Variants in SEMA5A observed in about 807,000 individuals in gnomAD.
SEMA5A encodes the protein semaphorin 5A.
SEMA5A carries 55 observed loss-of-function variants against 135.5 expected under a neutral mutation model. The observed-to-expected ratio is 0.41, with a 90% confidence interval of 0.33 to 0.51. The LOEUF is 0.51. SEMA5A is among the 20% of genes least tolerant of loss of function. The pLI, the probability that SEMA5A is intolerant of heterozygous loss-of-function variation, is 0.37. For missense variants in SEMA5A, 1,290 were observed against 1,419.9 expected, an observed-to-expected ratio of 0.91 and a Z score of 1.47; for synonymous variants, 580 against 546.5, an observed-to-expected ratio of 1.06 and a Z score of -0.85.
chr5:9,496,917 C>T (rs1224398096), intron 1 of SEMA5A, among the ~76,000 whole-genome samples: 2 of 152,258 alleles, frequency 1.3e-5, no homozygotes, highest in African/African-American at 2.4e-5. Flanking sequence ...GACAAAGCTC[C>T]GAGTGGAGCA....
At chr5:9,440,360 A>C (rs1333515757) in intron 1 of SEMA5A, among the ~76,000 whole-genome samples, 1 of 152,256 alleles carries the variant, frequency 6.6e-6, no homozygotes, top group Non-Finnish European at 1.5e-5. Flanking sequence ...TTTTTAAGCG[A>C]CAGTTAACTA....
intron 2 of SEMA5A, among the ~76,000 whole-genome samples, chr5:9,381,483 T>C (rs1377190019): frequency 6.6e-6 from 1 of 152,154 alleles, no homozygotes; most frequent in African/African-American, 2.4e-5. Context: ...ACAGAAGTCA[T>C]GTTGTGCTAG....
intron 3 of SEMA5A, among the ~76,000 whole-genome samples, chr5:9,375,395 C>A (rs1344251101): frequency 1.3e-5 from 2 of 151,860 alleles, no homozygotes; most frequent in Non-Finnish European, 2.9e-5. Flanking sequence ...AGGGAGGATA[C>A]CATGAGACTA....
In SEMA5A at chr5:9,255,594, T is replaced by A. The variant is rs150961808; in HGVS notation, c.271-17704A>T. On this transcript the variant is annotated intron_variant, in intron 5 of 22. Coordinates refer to ENST00000382496, the MANE Select transcript of SEMA5A (RefSeq NM_003966.3). The stretch of plus-strand genomic sequence containing the variant: ...TGCCCATGGCTCATCCTGTCCAGGT[T>A]TTCTTCCTCATCACTAGCTGCTCCT... 2.6e-5 allele frequency among the ~76,000 whole-genome samples: 4 copies of A among 152,228 alleles called. No homozygotes were observed. The East Asian group carries it at 7.7e-4, about 29-fold the overall frequency.
intron 3 of SEMA5A, among the ~76,000 whole-genome samples, chr5:9,377,455 C>T (rs1755410585): frequency 1.3e-5 from 2 of 151,514 alleles, no homozygotes; most frequent in Admixed American, 6.6e-5. Flanking sequence ...CATAACCACG[C>T]AGAAAGAAAT....
intron 8 of SEMA5A, among the ~76,000 whole-genome samples, chr5:9,220,790 G>A (rs541854359): frequency 6.6e-6 from 1 of 152,314 alleles, no homozygotes; most frequent in Non-Finnish European, 1.5e-5. Context: ...CATCCTTCCA[G>A]TAAGATAGTT....
At chr5:9,185,563 A>G (rs1039338636) in intron 11 of SEMA5A, among the ~76,000 whole-genome samples, 1 of 152,248 alleles carries the variant, frequency 6.6e-6, no homozygotes, top group Admixed American at 6.5e-5. Flanking sequence ...TTTATAAAAT[A>G]TAACACAAAA....
At chr5:9,284,791 A>G (rs1448853164) in intron 5 of SEMA5A, among the ~76,000 whole-genome samples, 1 of 152,216 alleles carries the variant, frequency 6.6e-6, no homozygotes, top group African/African-American at 2.4e-5. Context: ...ACCAGCACAA[A>G]AAGGATAAGC....
At chr5:9,441,653 G>C (rs1453912846) in intron 1 of SEMA5A, among the ~76,000 whole-genome samples, 1 of 152,202 alleles carries the variant, frequency 6.6e-6, no homozygotes, top group African/African-American at 2.4e-5. Flanking sequence ...GTCCCTGGAG[G>C]AAGACAAGGA....
chr5:9,090,758 T>C (rs1297215754), intron 16 of SEMA5A, among the ~76,000 whole-genome samples: 1 of 152,156 alleles, frequency 6.6e-6, no homozygotes, highest in Non-Finnish European at 1.5e-5. Flanking sequence ...CTCAAGCGAT[T>C]TTCCAAGAGT....
At chr5:9,268,497 A>G (rs1274843670) in intron 5 of SEMA5A, among the ~76,000 whole-genome samples, 1 of 152,120 alleles carries the variant, frequency 6.6e-6, no homozygotes, top group Non-Finnish European at 1.5e-5. Context: ...TTGGCAACAC[A>G]GTTCAGAATT....
At chr5:9,401,866 C>T (rs930937533) in intron 2 of SEMA5A, among the ~76,000 whole-genome samples, 2 of 152,208 alleles carry the variant, frequency 1.3e-5, no homozygotes, top group African/African-American at 2.4e-5. Context: ...ATATCAATAT[C>T]TCTGAGAAGG....
At chr5:9,081,325 G>A (rs536337744) in intron 16 of SEMA5A, among the ~76,000 whole-genome samples, 2 of 152,096 alleles carry the variant, frequency 1.3e-5, no homozygotes, top group Non-Finnish European at 2.9e-5. Context: ...CTCACTGAAT[G>A]ATCAGATAAT....
At chr5:9,304,013 T>C (rs1389922699) in intron 5 of SEMA5A, among the ~76,000 whole-genome samples, 1 of 152,136 alleles carries the variant, frequency 6.6e-6, no homozygotes, top group African/African-American at 2.4e-5. Context: ...TATCATGAAC[T>C]ATAATAAAGC....
At chr5:9,142,430 T>C (rs554342370) in intron 12 of SEMA5A, among the ~76,000 whole-genome samples, 6 of 152,174 alleles carry the variant, frequency 3.9e-5, no homozygotes, top group Admixed American at 2.0e-4. Flanking sequence ...GTCCTTGGGC[T>C]CCACTAAAGA....
rs143366028 is a variant in SEMA5A, at chr5:9,403,597, G to A, written c.-77-23574C>T. On this transcript the variant is annotated intron_variant, in intron 2 of 22. Transcript: ENST00000382496. The stretch of plus-strand genomic sequence containing the variant: ...TACCCTCCATGCATCATCTCACACT[G>A]ACTAGCATACAATGATTAACACATA... Among the ~76,000 whole-genome samples, 158 of 152,202 alleles carry A rather than the reference G, an allele frequency of 1.0e-3. 1 individual carries two copies. Among genetic ancestry groups the A allele is most frequent in the African/African-American group, 3.5e-3 (145 of 41,514 alleles).
At position 9,136,615 on chromosome 5, in the gene SEMA5A, G is replaced by A; in HGVS notation, c.1488C>T (p.Cys496=). The A allele has an allele frequency of 6.2e-7, 1 of 1,612,714 alleles. No individual in the cohort carries two copies. Residue 496 remains cysteine (C), a synonymous_variant, in exon 13 of 23, where the codon TGC becomes TGT. Coordinates refer to ENST00000382496, the MANE Select transcript of SEMA5A (RefSeq NM_003966.3). ...CACAGTAAGGGTCCTGGGCCCCAAT[G>A]CAGGTGCTGGAAACACACACCAAAT... The part of the protein sequence containing the change: ...RCQFYRTRST[C]IGAQDPYCGW...
intron 1 of SEMA5A, among the ~76,000 whole-genome samples, chr5:9,484,874 G>T (rs778095586): frequency 4.6e-5 from 7 of 152,062 alleles, no homozygotes; most frequent in Non-Finnish European, 7.4e-5. Context: ...CATTACACAA[G>T]TGCCCCAGAG....
At chr5:9,176,285 G>A (rs1744202059) in intron 11 of SEMA5A, among the ~76,000 whole-genome samples, 1 of 152,186 alleles carries the variant, frequency 6.6e-6, no homozygotes, top group East Asian at 1.9e-4. Context: ...GTCTTAGGAT[G>A]TGAAAGTAAA....
Sources: gnomAD v4.1 joint callset for allele counts (sites outside exome capture counted in the v4.1 genomes callset) on GRCh38, gnomAD v4.1.1 for gene constraint, MANE v1.5 for transcripts, NCBI Gene and HGNC (gene_info 2026-07-23, HGNC 2026-07-21) for gene names.